Variants in CFAP20DC observed in about 807,000 individuals in gnomAD.
The protein encoded by CFAP20DC is protein CFAP20DC.
Under a neutral mutation model 101.7 loss-of-function variants are expected in CFAP20DC, and 84 were observed. The observed-to-expected ratio is 0.83, with a 90% CI of 0.69 to 0.99. The LOEUF (loss-of-function observed/expected upper bound fraction) is 0.99, where lower values mean the gene tolerates loss of function less well. CFAP20DC is among the 50% of genes least tolerant of loss of function. The pLI is 0.00. For synonymous variants in CFAP20DC, 359 were observed against 351.2 expected (o/e 1.02, Z -0.25); for missense variants, 1,007 against 970.3 (o/e 1.04, Z -0.50).
Position 59,039,622 on chromosome 3 carries a change from C to T in CFAP20DC, c.213G>A (p.Leu71=), listed in dbSNP as rs2094162535. 8.5e-6 allele frequency: 13 copies of T among 1,522,724 alleles called. No individual in the cohort carries two copies. The East Asian group carries it at 3.2e-4, about 38-fold the overall frequency. 94.3% of individuals were successfully genotyped at this position (1,522,724 alleles called of 1,614,324 possible). A position where few individuals can be genotyped will look rare whatever the true frequency, so the allele number is the denominator to read the frequency against. ...LPKENKQSLG[L]IQRFLVLQIY... ...TCTGAAGTACAAGAAACCTCTGGAT[C>T]AATCCAACTAGAATGAAGAGGAAAT... Residue 71 remains leucine (L), a synonymous_variant, in exon 4 of 17, where the codon TTG becomes TTA. Transcript: ENST00000482387.
chr3:58,900,630 T>C (rs1488949911), intron 6 of CFAP20DC, among the ~76,000 whole-genome samples: 4 of 152,172 alleles, frequency 2.6e-5, no homozygotes, highest in African/African-American at 4.8e-5. Flanking sequence ...AAGCATGTAA[T>C]GTTGGCTGGA....
At chr3:58,735,611 G>A (rs2107099189) in intron 3 of CFAP20DC, among the ~76,000 whole-genome samples, 1 of 152,264 alleles carries the variant, frequency 6.6e-6, no homozygotes, top group South Asian at 2.1e-4. Flanking sequence ...ATCACTTGGG[G>A]GAGCTTTTAT....
intron 13 of CFAP20DC, among the ~76,000 whole-genome samples, chr3:58,839,387 G>A (rs2076951228): frequency 6.6e-6 from 1 of 152,152 alleles, no homozygotes; most frequent in Admixed American, 6.6e-5. Context: ...CCTCTTGTGA[G>A]GGTTGGAGAT....
intron 13 of CFAP20DC, among the ~76,000 whole-genome samples, chr3:58,841,292 A>T (rs1215996016): frequency 1.3e-5 from 2 of 152,250 alleles, no homozygotes; most frequent in Non-Finnish European, 2.9e-5. Context: ...GTATTGTTGG[A>T]AAAACAGCTG....
At chr3:58,824,780 C>G (rs924414527) in intron 14 of CFAP20DC, among the ~76,000 whole-genome samples, 1 of 150,766 alleles carries the variant, frequency 6.6e-6, no homozygotes, top group African/African-American at 2.4e-5. Context: ...CTTTTCTTTT[C>G]TTTTTTGTAA....
At chr3:58,962,338 C>A (rs1275987393) in intron 4 of CFAP20DC, among the ~76,000 whole-genome samples, 1 of 152,080 alleles carries the variant, frequency 6.6e-6, no homozygotes, top group Non-Finnish European at 1.5e-5. Flanking sequence ...TTTTTTATCT[C>A]ATGTTTATTT....
At chr3:58,939,701 G>A (rs932843321) in intron 4 of CFAP20DC, among the ~76,000 whole-genome samples, 3 of 149,590 alleles carry the variant, frequency 2.0e-5, no homozygotes, top group East Asian at 2.0e-4. Flanking sequence ...CTCGTGATCC[G>A]CCTGCCTCGC....
Position 59,049,160 on chromosome 3 carries a change from A to G in CFAP20DC, c.21+451T>C, listed in dbSNP as rs1051413602. On this transcript the variant is annotated intron_variant, in intron 1 of 16. Transcript: ENST00000482387. ...GTTCTGTAAAAATAAAACAGCACATAGCCAAAGTGCTTATTTTCTTTCTTG... is the reference window on the plus strand; with the variant it reads ...GTTCTGTAAAAATAAAACAGCACATGGCCAAAGTGCTTATTTTCTTTCTTG... Among the ~76,000 whole-genome samples the G allele has an allele frequency of 1.8e-4, 28 of 152,226 alleles. 1 individual carries two copies. The highest frequency in any genetic ancestry group is 1.5e-5 in the Non-Finnish European group (1 of 68,048).
chr3:58,918,264 C>T (rs890760795), intron 5 of CFAP20DC, among the ~76,000 whole-genome samples: 7 of 152,066 alleles, frequency 4.6e-5, no homozygotes, highest in East Asian at 1.9e-4. Context: ...AGAGGGTGTA[C>T]GTTTCTGACT....
intron 4 of CFAP20DC, among the ~76,000 whole-genome samples, chr3:59,016,067 C>G (rs565377281): frequency 7.8e-4 from 119 of 152,102 alleles, no homozygotes; most frequent in Middle Eastern, 3.4e-3. Flanking sequence ...TCAGAATCAC[C>G]TGAATGACCT....
In CFAP20DC at chr3:58,868,183, A is replaced by G. The variant is rs1363278465; in HGVS notation, c.1016-247T>C. On this transcript the variant is annotated intron_variant, in intron 9 of 16. Coordinates refer to ENST00000482387, the MANE Select transcript of CFAP20DC (RefSeq NM_001394063.1). This position sits in a 1 kb window ranked among gnomAD's most constrained non-coding sequence, Gnocchi z 4.6. ...TGTAATATAACCTTATAGAGGGCTA[A>G]AGTAATTTGACTAATGTTAATCATA... Among the ~76,000 whole-genome samples the G allele has an allele frequency of 1.3e-5, 2 of 152,178 alleles. No homozygotes were observed. Among genetic ancestry groups the G allele is most frequent in the East Asian group, 3.8e-4 (2 of 5,204 alleles).
chr3:58,880,769 C>T (rs1382203259), intron 7 of CFAP20DC, among the ~76,000 whole-genome samples: 1 of 151,882 alleles, frequency 6.6e-6, no homozygotes, highest in African/African-American at 2.4e-5. Flanking sequence ...ATTTTTTTGA[C>T]AAAAGAATGT....
In CFAP20DC at chr3:58,869,066, A is replaced by T. The variant is rs536808809; in HGVS notation, c.1015+262T>A. ...CAAAATACAGTGATAATGGAATGCT[A>T]TTTTATTTCTACATCAGTTGCCATA... On this transcript the variant is annotated intron_variant, in intron 9 of 16. Coordinates refer to ENST00000482387, the MANE Select transcript of CFAP20DC (RefSeq NM_001394063.1). This position sits in a 1 kb window ranked among gnomAD's most constrained non-coding sequence, Gnocchi z 4.3. 1.3e-5 allele frequency among the ~76,000 whole-genome samples: 2 copies of T among 152,332 alleles called. No homozygotes were observed. The highest frequency in any genetic ancestry group is 4.1e-4 in the South Asian group (2 of 4,828).
rs2081970121 is a variant in CFAP20DC, at chr3:58,889,522, TC to T, written c.551-4814del. Reference sequence around the variant, plus strand: ...AACCATAAGTATGCTCATTCGCCAATCTTTTTTTTTTCTTTTTTTCTTTTTT... The same window carrying T: ...AACCATAAGTATGCTCATTCGCCAATTTTTTTTTTTCTTTTTTTCTTTTTT... On this transcript the variant is annotated intron_variant, in intron 6 of 16. Transcript: ENST00000482387. Among the ~76,000 whole-genome samples the T allele has an allele frequency of 5.4e-5, 8 of 146,912 alleles. No individual in the cohort carries two copies. In the South Asian group the frequency reaches 1.7e-3, roughly 31 times the overall value.
At chr3:58,792,087 T>C (rs1575652248) in intron 15 of CFAP20DC, among the ~76,000 whole-genome samples, 2 of 152,190 alleles carry the variant, frequency 1.3e-5, no homozygotes, top group East Asian at 1.9e-4. Flanking sequence ...TTTTGCTACA[T>C]ATATTTCAGA....
At chr3:58,781,557 C>T (rs1201666544) in intron 15 of CFAP20DC, among the ~76,000 whole-genome samples, 1 of 151,478 alleles carries the variant, frequency 6.6e-6, no homozygotes, top group African/African-American at 2.4e-5. Context: ...CTAGACTAGC[C>T]ATAAAAAGAG....
At chr3:58,958,273 G>A (rs542222919) in intron 4 of CFAP20DC, among the ~76,000 whole-genome samples, 10 of 151,938 alleles carry the variant, frequency 6.6e-5, no homozygotes, top group African/African-American at 9.7e-5. Flanking sequence ...TCATATAAAC[G>A]TAAAAAAATA....
chr3:59,041,582 T>C (rs1036291369), intron 3 of CFAP20DC, among the ~76,000 whole-genome samples: 76 of 152,256 alleles, frequency 5.0e-4, no homozygotes, highest in African/African-American at 1.7e-3. Context: ...CTAAGTAATG[T>C]TGAATGTGGA....
At chr3:58,934,819 C>A (rs1456006439) in intron 5 of CFAP20DC, among the ~76,000 whole-genome samples, 1 of 152,188 alleles carries the variant, frequency 6.6e-6, no homozygotes, top group Non-Finnish European at 1.5e-5. Flanking sequence ...CAATGTCATA[C>A]TGAATGGGCA....
Sources: gnomAD v4.1 joint callset for allele counts (sites outside exome capture counted in the v4.1 genomes callset) on GRCh38, gnomAD v4.1.1 for gene constraint, Gnocchi (gnomAD v3.1) non-coding constraint, MANE v1.5 for transcripts, NCBI Gene and HGNC (gene_info 2026-07-23, HGNC 2026-07-21) for gene names.